ADAMTSL1: variants seen among roughly 807,000 people sequenced by gnomAD.
The protein encoded by ADAMTSL1 is ADAMTS like 1, also known as ADAMTS-like protein 1.
Under a neutral mutation model 201.8 loss-of-function variants are expected in ADAMTSL1, and 126 were observed. That is an observed-to-expected ratio of 0.62 (90% CI 0.54 to 0.72). The LOEUF is 0.72. Ranked by LOEUF, ADAMTSL1 falls within the 30% of genes least tolerant of loss-of-function variation. ADAMTSL1 has a pLI of 0.00. For synonymous variants in ADAMTSL1, 1,121 were observed against 903.4 expected, an observed-to-expected ratio of 1.24 and a Z score of -4.32; for missense variants, 2,679 against 2,277.8, an observed-to-expected ratio of 1.18 and a Z score of -3.59.
intron 14 of ADAMTSL1, among the ~76,000 whole-genome samples, chr9:18,716,816 T>A (rs551485849): frequency 2.2e-4 from 31 of 139,614 alleles, no homozygotes; most frequent in Non-Finnish European, 4.2e-4. Context: ...TTATTCACAA[T>A]AGCAAAGACT....
In ADAMTSL1 at chr9:18,777,508, C is replaced by A; in HGVS notation, c.3279C>A (p.Arg1093=). The change falls in exon 19 of 29, where the codon CGC becomes CGA. Residue 1093 remains arginine (R), a synonymous_variant. Coordinates refer to ENST00000380548, the MANE Select transcript of ADAMTSL1 (RefSeq NM_001040272.6). Reference sequence around the variant, plus strand: ...TCTCCCAGCAGCCCGAGGAGCTGCGCGACCTCTACAGCAAGCACCTGGTGG... The same window carrying A: ...TCTCCCAGCAGCCCGAGGAGCTGCGAGACCTCTACAGCAAGCACCTGGTGG... ...GNLSQQPEEL[R]DLYSKHLVAQ... 6.3e-7 allele frequency: 1 copy of A among 1,597,484 alleles called. No individual in the cohort carries two copies. Among genetic ancestry groups the A allele is most frequent in the Non-Finnish European group, 8.5e-7 (1 of 1,172,460 alleles).
intron 2 of ADAMTSL1, among the ~76,000 whole-genome samples, chr9:18,275,389 G>A (rs549704052): frequency 3.3e-5 from 5 of 152,088 alleles, no homozygotes; most frequent in African/African-American, 7.2e-5. Context: ...CCCATTTTAA[G>A]TGTACAGTTC....
At chr9:17,909,065 T>C (rs1227501372) in intron 1 of ADAMTSL1, among the ~76,000 whole-genome samples, 1 of 149,754 alleles carries the variant, frequency 6.7e-6, no homozygotes, top group Non-Finnish European at 1.5e-5. Flanking sequence ...ATTTCTCTGA[T>C]GGCCAGTGAT....
At chr9:18,314,469 G>C (rs1056045056) in intron 2 of ADAMTSL1, among the ~76,000 whole-genome samples, 3 of 151,944 alleles carry the variant, frequency 2.0e-5, no homozygotes, top group African/African-American at 7.3e-5. Context: ...GCATACTTTC[G>C]CGGTGAGTGT....
intron 5 of ADAMTSL1, among the ~76,000 whole-genome samples, chr9:18,625,208 C>T (rs1250036483): frequency 6.6e-6 from 1 of 152,082 alleles, no homozygotes; most frequent in African/African-American, 2.4e-5. Context: ...CACATGCTCT[C>T]TTCAAACTTC....
At chr9:18,201,960 AT>A (rs1435274585) in intron 2 of ADAMTSL1, among the ~76,000 whole-genome samples, 1 of 152,170 alleles carries the variant, frequency 6.6e-6, no homozygotes, top group East Asian at 1.9e-4. Context: ...TTTCTCAAAT[AT>A]CATGCATTAA....
chr9:18,474,924 G>A (rs1026766970), intron 1 of ADAMTSL1, among the ~76,000 whole-genome samples: 3 of 152,068 alleles, frequency 2.0e-5, no homozygotes, highest in Non-Finnish European at 4.4e-5. Flanking sequence ...CTTTTAGTAC[G>A]GCTGATTGCC....
At chr9:18,082,556 C>T (rs113172073) in intron 1 of ADAMTSL1, among the ~76,000 whole-genome samples, 1 of 152,154 alleles carries the variant, frequency 6.6e-6, no homozygotes, top group Non-Finnish European at 1.5e-5. Flanking sequence ...TTAAGGACAC[C>T]TTAAGACACA....
intron 2 of ADAMTSL1, among the ~76,000 whole-genome samples, chr9:18,233,954 C>T (rs139637617): frequency 2.6e-4 from 39 of 152,278 alleles, no homozygotes; most frequent in African/African-American, 8.9e-4. Context: ...CACCCTGATT[C>T]ATATTTGAAA....
chr9:18,142,278 A>G (rs75775291), intron 1 of ADAMTSL1, among the ~76,000 whole-genome samples: 5,060 of 152,356 alleles, frequency 0.033, 123 homozygotes, highest in Non-Finnish European at 0.055. Flanking sequence ...TCTGAGGTCA[A>G]GCAGCACCCA....
intron 23 of ADAMTSL1, among the ~76,000 whole-genome samples, chr9:18,865,232 T>C (rs1023105253): frequency 2.0e-5 from 3 of 150,508 alleles, no homozygotes; most frequent in Admixed American, 6.6e-5. Flanking sequence ...GATGTTCCCC[T>C]TCCTGTGTCC....
chr9:18,897,318 C>G (rs1231357421), intron 26 of ADAMTSL1, among the ~76,000 whole-genome samples: 5 of 152,154 alleles, frequency 3.3e-5, no homozygotes, highest in African/African-American at 1.2e-4. Context: ...GCAGTCTGGA[C>G]AAGGAAGGGT....
At chr9:18,315,546 G>GC (rs1834351833) in intron 2 of ADAMTSL1, among the ~76,000 whole-genome samples, 1 of 152,162 alleles carries the variant, frequency 6.6e-6, no homozygotes, top group South Asian at 2.1e-4. Flanking sequence ...GGCCGGCAGT[G>GC]CTGGGGGACC....
At position 18,622,740 on chromosome 9, in the gene ADAMTSL1, C is replaced by T; in HGVS notation, c.601+371C>T. ...GATAACGAGGAAAGTGGGAAGATAG[C>T]ACAAATTCACTCCTGTCACTGTGAA... On this transcript the variant is annotated intron_variant, in intron 5 of 28. Coordinates refer to ENST00000380548, the MANE Select transcript of ADAMTSL1 (RefSeq NM_001040272.6). The T allele has an allele frequency of 8.0e-6, 3 of 373,702 alleles. No homozygotes were observed. The East Asian group carries it at 1.3e-4, about 16-fold the overall frequency. 23.1% of individuals were successfully genotyped at this position (373,702 alleles called of 1,614,324 possible). A position where few individuals can be genotyped will look rare whatever the true frequency, so the allele number is the denominator to read the frequency against.
intron 2 of ADAMTSL1, among the ~76,000 whole-genome samples, chr9:18,181,437 C>T (rs1264725278): frequency 6.6e-6 from 1 of 151,856 alleles, no homozygotes; most frequent in Non-Finnish European, 1.5e-5. Flanking sequence ...AACAAATTTA[C>T]AAGAAAAAAA....
At chr9:18,582,433 C>T (rs78854557) in intron 4 of ADAMTSL1, among the ~76,000 whole-genome samples, 86 of 152,270 alleles carry the variant, frequency 5.6e-4, no homozygotes, top group African/African-American at 2.0e-3. Flanking sequence ...AACTGGAACT[C>T]CTGCAATTCC....
At chr9:18,904,163 C>T (rs146715411) in intron 26 of ADAMTSL1, among the ~76,000 whole-genome samples, 1 of 152,188 alleles carries the variant, frequency 6.6e-6, no homozygotes, top group East Asian at 1.9e-4. Flanking sequence ...GCACACTGTA[C>T]TGCACAATAA....
At chr9:18,802,232 C>G (rs1822847433) in intron 20 of ADAMTSL1, among the ~76,000 whole-genome samples, 1 of 152,162 alleles carries the variant, frequency 6.6e-6, no homozygotes, top group African/African-American at 2.4e-5. Context: ...GCCAATACCA[C>G]TGCACTCCAG....
At chr9:18,783,735 G>A (rs769763518) in intron 19 of ADAMTSL1, among the ~76,000 whole-genome samples, 12 of 152,164 alleles carry the variant, frequency 7.9e-5, no homozygotes, top group Non-Finnish European at 1.3e-4. Context: ...CATGTAAAGG[G>A]TTATTAAAAG....
Sources: allele counts gnomAD v4.1 joint callset (sites outside exome capture counted in the v4.1 genomes callset), GRCh38; gene constraint gnomAD v4.1.1; transcripts MANE v1.5; gene names NCBI Gene and HGNC (gene_info 2026-07-23, HGNC 2026-07-21).